FRMPD4: variants seen among roughly 807,000 people sequenced by gnomAD.
FRMPD4 encodes FERM and PDZ domain containing 4.
A neutral mutation model predicts 94.1 loss-of-function variants in FRMPD4; 22 were observed. That is an observed-to-expected ratio of 0.23 (90% CI 0.17 to 0.33). The LOEUF (loss-of-function observed/expected upper bound fraction) is 0.33, where lower values mean the gene tolerates loss of function less well. Among genes scored for constraint, FRMPD4 ranks in the 10% least tolerant of loss-of-function variants. The pLI is 1.00. For missense variants in FRMPD4, 1,111 were observed against 1,339.9 expected, an observed-to-expected ratio of 0.83 and a Z score of 2.67; for synonymous variants, 631 against 548.6, an observed-to-expected ratio of 1.15 and a Z score of -2.10.
rs186347681 is a variant in FRMPD4, at chrX:12,392,379, G to A, written c.42-106301G>A. ...CTTAATTTAAATCTAGGCTGGGTGC[G>A]GTGGCTCACGCCTGTAATCCCAGCA... On this transcript the variant is annotated intron_variant, in intron 1 of 16. Coordinates refer to ENST00000675598, the MANE Select transcript of FRMPD4 (RefSeq NM_001368397.1). Among the ~76,000 whole-genome samples the A allele has an allele frequency of 5.2e-4, 54 of 104,355 alleles. No individual in the cohort carries two copies. In the Middle Eastern group the frequency reaches 0.015, roughly 29 times the overall value. 90.6% of individuals were successfully genotyped at this position (104,355 alleles called of 115,157 possible).
At position 12,721,393 on chromosome X, in the gene FRMPD4, A is replaced by C; in HGVS notation, c.4824A>C (p.Ala1608=). ...ATGCAATGCCTGATGGGTTCCTTGC[A>C]GCCCAAAATGATGCCAATGAGCTGC... ...STYAMPDGFL[A]AQNDANELLC... The change falls in exon 17 of 17, where the codon GCA becomes GCC. Residue 1608 remains alanine, a synonymous_variant. Coordinates refer to ENST00000675598, the MANE Select transcript of FRMPD4 (RefSeq NM_001368397.1). 1 of 755,847 alleles carries C rather than the reference A, an allele frequency of 1.3e-6. No individual in the cohort carries two copies. 62.3% of individuals were successfully genotyped at this position (755,847 alleles called of 1,213,427 possible).
At chrX:12,194,597 T>C (rs1347815079) in intron 1 of FRMPD4, among the ~76,000 whole-genome samples, 1 of 111,647 alleles carries the variant, frequency 9.0e-6, no homozygotes, top group Non-Finnish European at 1.9e-5. Flanking sequence ...ATAGAAAATT[T>C]GGGTGTTTTG....
intron 1 of FRMPD4, among the ~76,000 whole-genome samples, chrX:12,315,544 C>A (rs990168045): frequency 9.0e-6 from 1 of 111,056 alleles, no homozygotes; most frequent in African/African-American, 3.3e-5. Context: ...GTGATGTTGG[C>A]GGGTATGTAG....
chrX:12,457,294 G>T (rs2057343659), intron 1 of FRMPD4, among the ~76,000 whole-genome samples: 1 of 111,755 alleles, frequency 8.9e-6, no homozygotes, highest in South Asian at 3.8e-4. Context: ...GAAGAATCTA[G>T]TTCATTAGAC....
intron 3 of FRMPD4, among the ~76,000 whole-genome samples, chrX:11,903,349 T>C (rs1305940801): frequency 8.9e-6 from 1 of 112,693 alleles, no homozygotes; most frequent in African/African-American, 3.2e-5. Context: ...CATCAAACTT[T>C]GGCTGAAGAC....
intron 1 of FRMPD4, among the ~76,000 whole-genome samples, chrX:12,435,612 GTGATTA>G (rs1164010021): frequency 1.8e-5 from 2 of 111,484 alleles, no homozygotes; most frequent in East Asian, 5.6e-4. Context: ...TTTCTTTGCT[GTGATTA>G]TGATTATTTG....
At chrX:11,854,397 C>G (rs2053642516) in intron 1 of FRMPD4, among the ~76,000 whole-genome samples, 1 of 111,843 alleles carries the variant, frequency 8.9e-6, no homozygotes, top group Admixed American at 9.4e-5. Context: ...CAACAGTCTT[C>G]CAAAGTCTTA....
At chrX:12,262,688 C>G (rs1187717249) in intron 1 of FRMPD4, among the ~76,000 whole-genome samples, 2 of 111,750 alleles carry the variant, frequency 1.8e-5, no homozygotes, top group Non-Finnish European at 3.8e-5. Context: ...CCGATAGAAA[C>G]CAGTGGGCTT....
chrX:12,086,175 T>C (rs1051066225), intron 3 of FRMPD4, among the ~76,000 whole-genome samples: 3 of 110,830 alleles, frequency 2.7e-5, no homozygotes, highest in Admixed American at 9.7e-5. Context: ...CACACTAAAA[T>C]GTAGGCAGAG....
intron 1 of FRMPD4, among the ~76,000 whole-genome samples, chrX:12,221,519 A>G (rs1183210424): frequency 8.9e-6 from 1 of 112,434 alleles, no homozygotes; most frequent in Non-Finnish European, 1.9e-5. Context: ...GGAAGAGGTG[A>G]TTACTGTGAG....
intron 1 of FRMPD4, among the ~76,000 whole-genome samples, chrX:11,823,913 A>G (rs1196597207): frequency 9.0e-6 from 1 of 111,616 alleles, no homozygotes; most frequent in African/African-American, 3.3e-5. Context: ...CTTTCTAACA[A>G]CTTATGAAAA....
chrX:12,591,252 T>C (rs368115755), intron 2 of FRMPD4, among the ~76,000 whole-genome samples: 1 of 112,218 alleles, frequency 8.9e-6, no homozygotes, highest in Non-Finnish European at 1.9e-5. Flanking sequence ...GAAAATGTTA[T>C]TAAGAAAATT....
chrX:12,305,725 G>GTTT (rs58794898), intron 1 of FRMPD4, among the ~76,000 whole-genome samples: 16 of 59,697 alleles, frequency 2.7e-4, no homozygotes, highest in East Asian at 6.9e-4. Flanking sequence ...AGCTGGCTAA[G>GTTT]TTTTTTTTTT....
At chrX:12,260,671 C>T (rs944107255) in intron 1 of FRMPD4, among the ~76,000 whole-genome samples, 4 of 112,189 alleles carry the variant, frequency 3.6e-5, no homozygotes, top group South Asian at 3.7e-4. Flanking sequence ...TGTTATGTAC[C>T]GATCCAAGCT....
At chrX:11,992,686 G>A (rs1480078730) in intron 3 of FRMPD4, among the ~76,000 whole-genome samples, 2 of 111,715 alleles carry the variant, frequency 1.8e-5, no homozygotes, top group African/African-American at 6.5e-5. Flanking sequence ...ATAAATAGGT[G>A]GTGAAGAAAT....
intron 1 of FRMPD4, among the ~76,000 whole-genome samples, chrX:12,219,364 C>CA (rs1002257487): frequency 6.5e-5 from 7 of 107,053 alleles, no homozygotes; most frequent in East Asian, 2.9e-4. Context: ...GACCCTGTCC[C>CA]AAAAAAAAAG....
chrX:12,541,101 G>A (rs1321853563), intron 2 of FRMPD4, among the ~76,000 whole-genome samples: 2 of 112,081 alleles, frequency 1.8e-5, no homozygotes, highest in African/African-American at 6.5e-5. Context: ...TGTGTAGAGG[G>A]AAATTTATAG....
chrX:11,836,479 C>G (rs2053502072), intron 1 of FRMPD4, among the ~76,000 whole-genome samples: 1 of 111,737 alleles, frequency 8.9e-6, no homozygotes, highest in Admixed American at 9.5e-5. Flanking sequence ...TTAAACAACT[C>G]TGTGAGGTAG....
chrX:12,270,447 A>G (rs1331675984), intron 1 of FRMPD4, among the ~76,000 whole-genome samples: 1 of 111,632 alleles, frequency 9.0e-6, no homozygotes, highest in Non-Finnish European at 1.9e-5. Flanking sequence ...GGGAGAAAAT[A>G]CAGAGCAGTC....
Sources: gnomAD v4.1 joint callset for allele counts (sites outside exome capture counted in the v4.1 genomes callset) on GRCh38, gnomAD v4.1.1 for gene constraint, MANE v1.5 for transcripts, NCBI Gene and HGNC (gene_info 2026-07-23, HGNC 2026-07-21) for gene names.